The following MIER1 variants were observed in gnomAD, a reference collection of about 807,000 sequenced individuals.
The protein encoded by MIER1 is mesoderm induction early response protein 1.
A neutral mutation model predicts 75.7 loss-of-function variants in MIER1; 40 were observed. The ratio of observed to expected loss-of-function variants is 0.53; its 90% CI spans 0.41 to 0.69. The LOEUF (loss-of-function observed/expected upper bound fraction) is 0.69. Ranked by LOEUF, MIER1 falls within the 30% of genes least tolerant of loss-of-function variation. The pLI, the probability that MIER1 is intolerant of heterozygous loss-of-function variation, is 0.00. For synonymous variants in MIER1, 213 were observed against 223.4 expected (o/e 0.95, Z 0.42); for missense variants, 574 against 680.2 (o/e 0.84, Z 1.74).
chr1:66,979,841 T>C (rs1266833937), intron 12 of MIER1, among the ~76,000 whole-genome samples: 1 of 151,864 alleles, frequency 6.6e-6, no homozygotes, highest in South Asian at 2.1e-4. Flanking sequence ...CTCGGCTCAC[T>C]GCAACCTCCA....
At position 66,986,076 on chromosome 1, in the gene MIER1, T is replaced by TA; in HGVS notation, c.*1177dup. ...CAGAGGAGGGGGGTCAAGTGATACT[T>TA]AGATATTGGCACACACAAGGAACAA... On this transcript the variant is annotated 3_prime_UTR_variant, in exon 14 of 14. Transcript: ENST00000401041. 9.6e-7 allele frequency: 1 copy of TA among 1,038,440 alleles called. No individual in the cohort carries two copies. The highest frequency in any genetic ancestry group is 1.2e-6 in the Non-Finnish European group (1 of 864,622). The allele number at this position is 1,038,440 out of a possible 1,614,324, so 64.3% of individuals were successfully genotyped here.
At chr1:66,925,184 C>T (rs934954533) in intron 1 of MIER1, 89 bp downstream of exon 1, 17 of 1,468,754 alleles carry the variant, frequency 1.2e-5, no homozygotes, top group African/African-American at 1.5e-5. Flanking sequence ...CCTTTCTCTC[C>T]TTCCCCTCCC....
intron 12 of MIER1, among the ~76,000 whole-genome samples, chr1:66,980,332 A>T (rs1346255908): frequency 2.0e-5 from 3 of 152,224 alleles, no homozygotes; most frequent in African/African-American, 7.2e-5. Context: ...AATTCCCTTC[A>T]TTTATAGATG....
At chr1:66,970,062 T>C (rs1663293827) in intron 8 of MIER1, among the ~76,000 whole-genome samples, 1 of 152,220 alleles carries the variant, frequency 6.6e-6, no homozygotes, top group African/African-American at 2.4e-5. Flanking sequence ...TTTGTGACTT[T>C]TGAATTTTAT....
intron 10 of MIER1, 69 bp downstream of exon 10, chr1:66,971,805 A>T: frequency 1.3e-6 from 1 of 779,846 alleles, no homozygotes; most frequent in African/African-American, 1.8e-5. Context: ...CAGTTTACCT[A>T]GGTATAGCCT....
At position 66,926,152 on chromosome 1, in the gene MIER1, C is replaced by CG. The variant is rs1357178484; in HGVS notation, c.79dup (p.Ala27GlyfsTer9). The CG allele has an allele frequency of 1.9e-6, 3 of 1,613,360 alleles. No individual in the cohort carries two copies. Among genetic ancestry groups the CG allele is most frequent in the African/African-American group, 1.3e-5 (1 of 74,876 alleles). ...TTTCCTTTGATCCAGATGGTGTGGT[C>CG]GCTCGATTCTCCCAGTGCCTGGCTG... On this transcript the variant is annotated frameshift_variant, in exon 2 of 14. Coordinates refer to ENST00000401041, the MANE Select transcript of MIER1 (RefSeq NM_001077700.3). LOFTEE classifies it high-confidence loss of function.
chr1:66,983,644 C>G (rs1041718195), intron 13 of MIER1, among the ~76,000 whole-genome samples: 2 of 152,130 alleles, frequency 1.3e-5, no homozygotes, highest in African/African-American at 4.8e-5. Flanking sequence ...TTAGCACTTT[C>G]AAGTATATGC....
At chr1:66,978,681 C>T (rs182622200) in intron 12 of MIER1, among the ~76,000 whole-genome samples, 284 of 152,194 alleles carry the variant, frequency 1.9e-3, no homozygotes, top group Non-Finnish European at 3.3e-3. Flanking sequence ...AATGTTCACA[C>T]GTGAGCTACA....
At chr1:66,947,040 T>TG in intron 4 of MIER1, 2 of 977,282 alleles carry the variant, frequency 2.0e-6, no homozygotes, top group Non-Finnish European at 2.4e-6. Context: ...AAATGTAGTA[T>TG]GAGGGTCAGT....
chr1:66,946,515 G>A lies in MIER1; in HGVS notation c.339+220G>A, dbSNP rs1657683088. ...ATAACAGAATTCACATAGTTACTTTGGTAAAACATAGACTGTTAAATGATT... is the reference window on the plus strand; with the variant it reads ...ATAACAGAATTCACATAGTTACTTTAGTAAAACATAGACTGTTAAATGATT... On this transcript the variant is annotated intron_variant, in intron 4 of 13. Coordinates refer to ENST00000401041, the MANE Select transcript of MIER1 (RefSeq NM_001077700.3). 3.2e-6 allele frequency: 4 copies of A among 1,235,160 alleles called. No individual in the cohort carries two copies. In the South Asian group the frequency reaches 7.8e-5, roughly 24 times the overall value. 76.5% of individuals were successfully genotyped at this position (1,235,160 alleles called of 1,614,324 possible).
At chr1:66,934,670 T>C (rs957335578) in intron 2 of MIER1, among the ~76,000 whole-genome samples, 2 of 151,978 alleles carry the variant, frequency 1.3e-5, no homozygotes, top group African/African-American at 2.4e-5. Flanking sequence ...GCTGGGATTA[T>C]AGGCGTGTGC....
intron 7 of MIER1, among the ~76,000 whole-genome samples, chr1:66,962,354 C>G (rs1407250443): frequency 2.6e-5 from 4 of 152,204 alleles, no homozygotes; most frequent in African/African-American, 9.7e-5. Flanking sequence ...TTGGCCCCTA[C>G]TGAGCTTTAT....
intron 10 of MIER1, 82 bp downstream of exon 10, chr1:66,971,818 A>G (rs1019886839): frequency 1.6e-5 from 10 of 635,246 alleles, no homozygotes; most frequent in Non-Finnish European, 2.7e-5. Context: ...TATAGCCTAA[A>G]CTTAATAATA....
Position 66,986,671 on chromosome 1 carries a change from C to A in MIER1, c.*1771C>A. 1 of 509,702 alleles carries A rather than the reference C, an allele frequency of 2.0e-6. No individual in the cohort carries two copies. Among genetic ancestry groups the A allele is most frequent in the Non-Finnish European group, 3.5e-6 (1 of 286,602 alleles). 31.6% of individuals were successfully genotyped at this position (509,702 alleles called of 1,614,324 possible). A position where few individuals can be genotyped will look rare whatever the true frequency, so the allele number is the denominator to read the frequency against. ...GCCACTTTGCAACACTTGACTTCAT[C>A]TTAATGTACATTCACTGTTGTTACA... On this transcript the variant is annotated 3_prime_UTR_variant, in exon 14 of 14. Transcript: ENST00000401041.
At chr1:66,977,984 G>C (rs1486056061) in intron 12 of MIER1, among the ~76,000 whole-genome samples, 3 of 151,976 alleles carry the variant, frequency 2.0e-5, no homozygotes, top group Non-Finnish European at 2.9e-5. Context: ...GGATCACAAG[G>C]TCAGGAGTTT....
At chr1:66,948,737 T>A (rs564489347) in intron 4 of MIER1, among the ~76,000 whole-genome samples, 139 of 152,114 alleles carry the variant, frequency 9.1e-4, no homozygotes, top group Non-Finnish European at 1.1e-3. Flanking sequence ...CTGCAAAAAA[T>A]TTTTTAAAAA....
intron 2 of MIER1, among the ~76,000 whole-genome samples, chr1:66,930,643 C>T (rs1439069937): frequency 6.6e-6 from 1 of 151,084 alleles, no homozygotes; most frequent in Non-Finnish European, 1.5e-5. Context: ...GGTAGTGCAG[C>T]GTAGTAGTGC....
chr1:66,929,246 T>C, intron 2 of MIER1: 1 of 367,108 alleles, frequency 2.7e-6, no homozygotes, highest in East Asian at 5.5e-5. Flanking sequence ...ATTCTCGTAT[T>C]TAAATGGTTG....
intron 2 of MIER1, among the ~76,000 whole-genome samples, chr1:66,931,735 C>A (rs1398396718): frequency 6.6e-6 from 1 of 152,106 alleles, no homozygotes; most frequent in Non-Finnish European, 1.5e-5. Context: ...TGCGTTTGTT[C>A]CAGTAGACTG....
Sources: allele counts gnomAD v4.1 joint callset (sites outside exome capture counted in the v4.1 genomes callset), GRCh38; gene constraint gnomAD v4.1.1; transcripts MANE v1.5; gene names NCBI Gene and HGNC (gene_info 2026-07-23, HGNC 2026-07-21).